Variants in RPS6KC1 observed in about 807,000 individuals in gnomAD.
RPS6KC1 encodes inactive ribosomal protein S6 kinase delta-1.
In RPS6KC1, 54 loss-of-function variants were observed where a neutral mutation model predicts 103.8. That is an observed-to-expected ratio of 0.52 (90% CI 0.42 to 0.65). The LOEUF (loss-of-function observed/expected upper bound fraction) is 0.65, where lower values mean the gene tolerates loss of function less well. Among genes scored for constraint, RPS6KC1 ranks in the 30% least tolerant of loss-of-function variants. The pLI is 0.00. For missense variants in RPS6KC1, 1,151 were observed against 1,253.8 expected (o/e 0.92, Z 1.24); for synonymous variants, 439 against 438.7 (o/e 1.00, Z -0.01).
the RPS6KC1 span, among the ~76,000 whole-genome samples, chr1:213,325,281 T>C: frequency 1.3e-5 from 2 of 152,180 alleles, no homozygotes; most frequent in Non-Finnish European, 2.9e-5. Context: ...CTCTTTCGCT[T>C]TCTAAGTGTC....
At chr1:213,222,225 A>G (rs2093852081) in intron 8 of RPS6KC1, among the ~76,000 whole-genome samples, 1 of 152,220 alleles carries the variant, frequency 6.6e-6, no homozygotes, top group Non-Finnish European at 1.5e-5. Context: ...TCTAGCACAA[A>G]TGAAACATTG....
the RPS6KC1 span, among the ~76,000 whole-genome samples, chr1:213,466,519 G>A: frequency 6.6e-6 from 1 of 152,140 alleles, no homozygotes. Flanking sequence ...GAGTTAAGCT[G>A]GCAACAGAAT....
the RPS6KC1 span, among the ~76,000 whole-genome samples, chr1:213,604,282 C>T: frequency 6.6e-6 from 1 of 152,226 alleles, no homozygotes; most frequent in Non-Finnish European, 1.5e-5. Flanking sequence ...CAGCTTAGTG[C>T]ACGTGATTCA....
chr1:213,413,546 T>C, the RPS6KC1 span, among the ~76,000 whole-genome samples: 3 of 152,212 alleles, frequency 2.0e-5, no homozygotes, highest in Non-Finnish European at 2.9e-5. Flanking sequence ...AGTTCACTCA[T>C]GTGGCTGGCA....
intron 14 of RPS6KC1, among the ~76,000 whole-genome samples, chr1:213,266,557 G>A (rs944289617): frequency 1.3e-5 from 2 of 152,086 alleles, no homozygotes; most frequent in African/African-American, 4.8e-5. Flanking sequence ...AGTCATTTCA[G>A]TGCTCTGGAA....
the RPS6KC1 span, among the ~76,000 whole-genome samples, chr1:213,420,291 G>T: frequency 0.021 from 3,140 of 152,260 alleles, 106 homozygotes; most frequent in African/African-American, 0.072. Context: ...AGAGTATGTA[G>T]CCTTCAGGTT....
chr1:213,424,634 G>T, the RPS6KC1 span, among the ~76,000 whole-genome samples: 7 of 152,264 alleles, frequency 4.6e-5, no homozygotes, highest in Non-Finnish European at 1.0e-4. Context: ...CTGATGGACA[G>T]TGCTCTCCTG....
the RPS6KC1 span, among the ~76,000 whole-genome samples, chr1:213,402,513 G>T: frequency 6.6e-6 from 1 of 152,102 alleles, no homozygotes; most frequent in Non-Finnish European, 1.5e-5. Flanking sequence ...GTCCTAAAAT[G>T]ACTCTGGGAA....
At chr1:213,708,285 T>A in the RPS6KC1 span, among the ~76,000 whole-genome samples, 2 of 152,198 alleles carry the variant, frequency 1.3e-5, no homozygotes, top group African/African-American at 4.8e-5. Context: ...CTAGGTATTT[T>A]ATCCTCTTTG....
At chr1:213,143,468 T>G (rs1301671123) in intron 6 of RPS6KC1, among the ~76,000 whole-genome samples, 4 of 152,040 alleles carry the variant, frequency 2.6e-5, no homozygotes, top group Non-Finnish European at 5.9e-5. Flanking sequence ...TTGTATTCCT[T>G]TCTCATTCTA....
At chr1:213,568,249 G>T in the RPS6KC1 span, among the ~76,000 whole-genome samples, 2 of 152,204 alleles carry the variant, frequency 1.3e-5, no homozygotes, top group Non-Finnish European at 2.9e-5. Flanking sequence ...GGGACTTTCA[G>T]TGCTAGAACT....
At chr1:213,466,041 A>G in the RPS6KC1 span, among the ~76,000 whole-genome samples, 1 of 152,140 alleles carries the variant, frequency 6.6e-6, no homozygotes, top group South Asian at 2.1e-4. Flanking sequence ...AGTGGGGAGG[A>G]AAAGATTGGG....
intron 3 of RPS6KC1, among the ~76,000 whole-genome samples, chr1:213,081,921 C>A (rs558512473): frequency 6.6e-6 from 1 of 152,154 alleles, no homozygotes; most frequent in Non-Finnish European, 1.5e-5. Flanking sequence ...GCTAGAGCCA[C>A]CCAGCCAAGC....
At chr1:213,125,454 G>A (rs530257038) in intron 5 of RPS6KC1, among the ~76,000 whole-genome samples, 3 of 152,024 alleles carry the variant, frequency 2.0e-5, no homozygotes, top group African/African-American at 7.2e-5. Flanking sequence ...GATCTTTTTT[G>A]TACACCTCTG....
intron 6 of RPS6KC1, among the ~76,000 whole-genome samples, chr1:213,148,785 A>G (rs148372101): frequency 1.2e-3 from 187 of 152,224 alleles, no homozygotes; most frequent in South Asian, 2.9e-3. Flanking sequence ...GGTAGTATTC[A>G]GCAATGAAGC....
At chr1:213,276,908 G>A (rs2095113733), downstream of RPS6KC1, among the ~76,000 whole-genome samples, 1 of 152,118 alleles carries the variant, frequency 6.6e-6, no homozygotes, top group South Asian at 2.1e-4. Flanking sequence ...AACTATGGTG[G>A]TATTTGTACA....
the RPS6KC1 span, among the ~76,000 whole-genome samples, chr1:213,461,888 A>G: frequency 6.6e-6 from 1 of 152,350 alleles, no homozygotes; most frequent in African/African-American, 2.4e-5. Context: ...AAACACCAAA[A>G]GCAATGGCAA....
intron 3 of RPS6KC1, among the ~76,000 whole-genome samples, chr1:213,088,649 C>T (rs2080661182): frequency 1.3e-5 from 2 of 152,164 alleles, no homozygotes; most frequent in Admixed American, 1.3e-4. Flanking sequence ...AGGCATGAGC[C>T]ACTGCGCCTG....
chr1:213,634,324 TGGA>T, the RPS6KC1 span, among the ~76,000 whole-genome samples: 1 of 152,316 alleles, frequency 6.6e-6, no homozygotes, highest in East Asian at 1.9e-4. Context: ...ACCACATAGT[TGGA>T]AGTAAAGCAC....
Sources: allele counts gnomAD v4.1 joint callset (sites outside exome capture counted in the v4.1 genomes callset), GRCh38; gene constraint gnomAD v4.1.1; transcripts MANE v1.5; gene names NCBI Gene and HGNC (gene_info 2026-07-23, HGNC 2026-07-21).